MGAT1: variants seen among roughly 807,000 people sequenced by gnomAD.
The protein encoded by MGAT1 is N-glycosyl-oligosaccharide-glycoprotein N-acetylglucosaminyltransferase I.
In MGAT1, 14 loss-of-function variants were observed where a neutral mutation model predicts 31.7. The observed-to-expected ratio is 0.44, with a 90% CI of 0.29 to 0.69. The LOEUF (loss-of-function observed/expected upper bound fraction) is 0.69, where lower values mean the gene tolerates loss of function less well. Ranked by LOEUF, MGAT1 falls within the 30% of genes least tolerant of loss-of-function variation. The pLI is 0.12. For synonymous variants in MGAT1, 338 were observed against 276.0 expected (o/e 1.22, Z -2.23); for missense variants, 557 against 626.0 (o/e 0.89, Z 1.18).
rs1349366286 is a variant in MGAT1, at chr5:180,792,826, C to A, written c.146G>T (p.Ser49Ile). ...CAGGCGAATCACTTCCCGGGTGAGG[C>A]TGGCGGGGTCGCCATCGAGAGCGCT... ...SVSALDGDPA[S>I]LTREVIRLAQ... The change falls in exon 2 of 2, where the codon AGC (serine) becomes ATC (isoleucine). Residue 49 changes from serine (S) to isoleucine (I), a missense_variant. By Grantham distance (142) the Ser-to-Ile change is moderately radical. Transcript: ENST00000307826. 6.4e-7 allele frequency: 1 copy of A among 1,559,876 alleles called. No individual in the cohort carries two copies. The highest frequency in any genetic ancestry group is 2.4e-5 in the East Asian group (1 of 41,744).
At chr5:180,795,277 G>A (rs1187979987) in intron 1 of MGAT1, 9 of 141,896 alleles carry the variant, frequency 6.3e-5, no homozygotes, top group African/African-American at 2.3e-4. Flanking sequence ...ACTTTTACAG[G>A]TATATATATA....
intron 1 of MGAT1, among the ~76,000 whole-genome samples, chr5:180,800,930 A>G (rs569059746): frequency 7.2e-4 from 109 of 152,336 alleles, no homozygotes; most frequent in Non-Finnish European, 1.3e-3. Context: ...ACTGGCTTTG[A>G]CTTTCTAGAG....
Position 180,792,218 on chromosome 5 carries a change from C to T in MGAT1, c.754G>A (p.Ala252Thr), listed in dbSNP as rs145189550. 10 of 1,613,124 alleles carry T rather than the reference C, an allele frequency of 6.2e-6. No homozygotes were observed. Among genetic ancestry groups the T allele is most frequent in the Non-Finnish European group, 8.5e-6 (10 of 1,180,008 alleles). Residue 252 changes from alanine (A) to threonine (T), a missense_variant, in exon 2 of 2, where the codon GCC (alanine) becomes ACC (threonine). Physicochemically the swap from Ala to Thr is moderately conservative, Grantham distance 58. Transcript: ENST00000307826. ...NDNGKEQMVD[A>T]SRPELLYRTD... ...CGGTAGAGCAGCTCAGGCCTGCTGG[C>T]GTCCACCATCTGCTCCTTGCCGTTG...
In MGAT1 at chr5:180,792,672, G is replaced by A. The variant is rs781063023; in HGVS notation, c.300C>T (p.Thr100=). The stretch of plus-strand genomic sequence containing the variant: ...GGATGGGAATCACCGCCGGCGCGGG[G>A]GTCACAGGCACACGCGGCTGGGCGG... The part of the protein sequence containing the change: ...APPAQPRVPV[T]PAPAVIPILV... Residue 100 remains threonine (T), a synonymous_variant, in exon 2 of 2, where the codon ACC becomes ACT. Coordinates refer to ENST00000307826, the MANE Select transcript of MGAT1 (RefSeq NM_002406.4). The A allele has an allele frequency of 6.3e-7, 1 of 1,576,048 alleles. No homozygotes were observed. The highest frequency in any genetic ancestry group is 2.3e-5 in the East Asian group (1 of 44,072).
At chr5:180,795,325 T>G (rs1052804952) in intron 1 of MGAT1, 1 of 151,108 alleles carries the variant, frequency 6.6e-6, no homozygotes, top group African/African-American at 2.4e-5. Context: ...ATGTCAAAAC[T>G]TATCAAATTG....
rs1224508547 is a variant in MGAT1, at chr5:180,785,128, T to C, written c.*6506A>G. 1 of 152,206 alleles carries C rather than the reference T, an allele frequency of 6.6e-6. No homozygotes were observed. Among genetic ancestry groups the C allele is most frequent in the Non-Finnish European group, 1.5e-5 (1 of 68,034 alleles). 9.4% of individuals were successfully genotyped at this position (152,206 alleles called of 1,614,324 possible). A position where few individuals can be genotyped will look rare whatever the true frequency, so the allele number is the denominator to read the frequency against. Reference sequence around the variant, plus strand: ...ATCCTTTAATTCAAGAACATCTACGTAAATAATAGAACCAGTCTCCTAGAT... The same window carrying C: ...ATCCTTTAATTCAAGAACATCTACGCAAATAATAGAACCAGTCTCCTAGAT... On this transcript the variant is annotated 3_prime_UTR_variant, in exon 2 of 2. Coordinates refer to ENST00000307826, the MANE Select transcript of MGAT1 (RefSeq NM_002406.4).
At chr5:180,806,512 C>T (rs188203314), upstream of MGAT1, among the ~76,000 whole-genome samples, 1 of 152,294 alleles carries the variant, frequency 6.6e-6, no homozygotes, top group East Asian at 1.9e-4. Flanking sequence ...ACCAGAGAGG[C>T]TGTCTGGCAG....
At position 180,791,550 on chromosome 5, in the gene MGAT1, A is replaced by G. The variant is rs1768086358; in HGVS notation, c.*84T>C. 2.7e-6 allele frequency: 4 copies of G among 1,492,960 alleles called. No individual in the cohort carries two copies. The highest frequency in any genetic ancestry group is 2.6e-5 in the South Asian group (2 of 77,122). The allele number at this position is 1,492,960 out of a possible 1,614,324, so 92.5% of individuals were successfully genotyped here. A position where few individuals can be genotyped will look rare whatever the true frequency, so the allele number is the denominator to read the frequency against. On this transcript the variant is annotated 3_prime_UTR_variant, in exon 2 of 2. Coordinates refer to ENST00000307826, the MANE Select transcript of MGAT1 (RefSeq NM_002406.4). ...ATAAATGCACCTAAGAGGGAAACACAGGCAGGCCGATGCAGCCTGGGGACT... is the reference window on the plus strand; with the variant it reads ...ATAAATGCACCTAAGAGGGAAACACGGGCAGGCCGATGCAGCCTGGGGACT...
At position 180,785,460 on chromosome 5, in the gene MGAT1, G is replaced by A. The variant is rs989322079; in HGVS notation, c.*6174C>T. 1.3e-5 allele frequency: 2 copies of A among 152,288 alleles called. No homozygotes were observed. Among genetic ancestry groups the A allele is most frequent in the African/African-American group, 2.4e-5 (1 of 41,458 alleles). The allele number at this position is 152,288 out of a possible 1,614,324, so 9.4% of individuals were successfully genotyped here. A position where few individuals can be genotyped will look rare whatever the true frequency, so the allele number is the denominator to read the frequency against. On this transcript the variant is annotated 3_prime_UTR_variant, in exon 2 of 2. Coordinates refer to ENST00000307826, the MANE Select transcript of MGAT1 (RefSeq NM_002406.4). The stretch of plus-strand genomic sequence containing the variant: ...AGATGCTGGCCAGGGATGTCCTCAC[G>A]GCCCCTGTGGGTGACGGTGGCCATG...
rs182516746 is a variant in MGAT1, at chr5:180,789,695, T to C, written c.*1939A>G. 1 of 152,232 alleles carries C rather than the reference T, an allele frequency of 6.6e-6. No individual in the cohort carries two copies. The highest frequency in any genetic ancestry group is 1.5e-5 in the Non-Finnish European group (1 of 68,078). The allele number at this position is 152,232 out of a possible 1,614,324, so 9.4% of individuals were successfully genotyped here. A position where few individuals can be genotyped will look rare whatever the true frequency, so the allele number is the denominator to read the frequency against. ...CAGGCTGGAGTGCAGTGGTATGATC[T>C]TGGATTACTGCAACCTCTGCCTCCC... On this transcript the variant is annotated 3_prime_UTR_variant, in exon 2 of 2. Coordinates refer to ENST00000307826, the MANE Select transcript of MGAT1 (RefSeq NM_002406.4).
In MGAT1 at chr5:180,791,827, C is replaced by T. The variant is rs1256168973; in HGVS notation, c.1145G>A (p.Gly382Glu). 4 of 1,614,258 alleles carry T rather than the reference C, an allele frequency of 2.5e-6. No individual in the cohort carries two copies. The highest frequency in any genetic ancestry group is 1.7e-5 in the Admixed American group (1 of 60,036). ...KVRTNDRKEL[G>E]EVRVQYTGRD... is the part of the protein sequence containing the mutation. ...GCCCGTATACTGCACCCGCACCTCC[C>T]CCAGCTCCTTCCGGTCATTGGTCCT... is the stretch of plus-strand genomic sequence containing the variant. Residue 382 changes from glycine to glutamate, a missense_variant, in exon 2 of 2, where the codon GGG (glycine) becomes GAG (glutamate). By Grantham distance (98) the Gly-to-Glu change is moderately conservative. Around this residue, in one of 3 missense-constraint regions of MGAT1, gnomAD observed 145 missense variants for 143.2 expected, o/e 1.01. Transcript: ENST00000307826.
rs1168471384 is a variant in MGAT1 at position 180,792,372 on chromosome 5, A to G, written c.600T>C (p.Phe200=). 1 of 1,611,090 alleles carries G rather than the reference A, an allele frequency of 6.2e-7. No individual in the cohort carries two copies. The highest frequency in any genetic ancestry group is 8.5e-7 in the Non-Finnish European group (1 of 1,178,200). ...CCACCACCACGGCCGCGGGGAAGCG[A>G]AACTGCCGGAAGACCTGGCCCAGCG... ...RWALGQVFRQ[F]RFPAAVVVED... is the part of the protein sequence containing the mutation. Residue 200 remains phenylalanine, a synonymous_variant, in exon 2 of 2, where the codon TTT becomes TTC. Coordinates refer to ENST00000307826, the MANE Select transcript of MGAT1 (RefSeq NM_002406.4).
chr5:180,795,767 G>A lies in MGAT1; in HGVS notation c.-126-2670C>T, dbSNP rs140905026. 576 of 152,282 alleles carry A rather than the reference G, an allele frequency of 3.8e-3. 5 individuals carry two copies. Among genetic ancestry groups the A allele is most frequent in the Non-Finnish European group, 2.8e-3 (188 of 68,030 alleles). The allele number at this position is 152,282 out of a possible 1,614,324, so 9.4% of individuals were successfully genotyped here. A position where few individuals can be genotyped will look rare whatever the true frequency, so the allele number is the denominator to read the frequency against. ...GCTCTGAAGAGCTTCATCCATCAGC[G>A]TAATCCCAGCTGGCACATCAGCAAG... On this transcript the variant is annotated intron_variant, in intron 1 of 1. Transcript: ENST00000307826.
In MGAT1 at chr5:180,788,027, TGCAGCA is replaced by T. The variant is rs138533580; in HGVS notation, c.*3601_*3606del. 13,566 of 156,100 alleles carry T rather than the reference TGCAGCA, an allele frequency of 0.087. 871 individuals are homozygous for T. Among genetic ancestry groups the T allele is most frequent in the African/African-American group, 0.18 (7,447 of 41,540 alleles). 9.7% of individuals were successfully genotyped at this position (156,100 alleles called of 1,614,324 possible). On this transcript the variant is annotated 3_prime_UTR_variant, in exon 2 of 2. Transcript: ENST00000307826. ...TCACAGCTGGAGGCAGAAGCAGGAA[TGCAGCA>T]GCAGCAGCAGCCAGGCGCAAGGCAG...
At chr5:180,806,505 A>G (rs1397076056), upstream of MGAT1, among the ~76,000 whole-genome samples, 1 of 152,216 alleles carries the variant, frequency 6.6e-6, no homozygotes, top group African/African-American at 2.4e-5. Flanking sequence ...ACGTTCTACC[A>G]GAGAGGCTGT....
At chr5:180,794,659 CAT>C (rs1353870225) in intron 1 of MGAT1, among the ~76,000 whole-genome samples, 7 of 151,668 alleles carry the variant, frequency 4.6e-5, no homozygotes, top group African/African-American at 2.4e-5. Flanking sequence ...CTCTGAAACA[CAT>C]GTTGGGATTT....
At chr5:180,814,811 G>A (rs555892056) in intron 1 of MGAT1, among the ~76,000 whole-genome samples, 2 of 151,834 alleles carry the variant, frequency 1.3e-5, no homozygotes, top group Non-Finnish European at 2.9e-5. Context: ...GTGGTGGCAG[G>A]TGCCTGTAAT....
chr5:180,797,124 C>T lies in MGAT1; in HGVS notation c.-126-4027G>A, dbSNP rs569052075. 7.3e-4 allele frequency among the ~76,000 whole-genome samples: 111 copies of T among 152,232 alleles called. 1 individual carries two copies. Among genetic ancestry groups the T allele is most frequent in the African/African-American group, 2.6e-3 (108 of 41,550 alleles). ...TCTGCATGGCTTAGAAGGGTGGGGCCCCACTGGGCTTGGTGGCTCAAGCCT... is the reference window on the plus strand; with the variant it reads ...TCTGCATGGCTTAGAAGGGTGGGGCTCCACTGGGCTTGGTGGCTCAAGCCT... On this transcript the variant is annotated intron_variant, in intron 1 of 1. Coordinates refer to ENST00000307826, the MANE Select transcript of MGAT1 (RefSeq NM_002406.4).
At chr5:180,808,535 T>C (rs1772152343) in intron 2 of MGAT1, 3 of 152,344 alleles carry the variant, frequency 2.0e-5, no homozygotes, top group Non-Finnish European at 4.4e-5. Flanking sequence ...TAGCTTCCAG[T>C]GTACTCATCT....
Sources: gnomAD v4.1 joint callset for allele counts (sites outside exome capture counted in the v4.1 genomes callset) on GRCh38, gnomAD v4.1.1 for gene constraint, gnomAD v4.1.1 regional missense constraint, MANE v1.5 for transcripts, NCBI Gene and HGNC (gene_info 2026-07-23, HGNC 2026-07-21) for gene names.